VARS1: variants seen among roughly 807,000 people sequenced by gnomAD.
VARS1 encodes valine--tRNA ligase.
A neutral mutation model predicts 161.0 loss-of-function variants in VARS1; 92 were observed. The observed-to-expected ratio is 0.57, with a 90% CI of 0.48 to 0.68. The LOEUF (loss-of-function observed/expected upper bound fraction) is 0.68, where lower values mean the gene tolerates loss of function less well. Among genes scored for constraint, VARS1 ranks in the 30% least tolerant of loss-of-function variants. VARS1 has a pLI of 0.00. For missense variants in VARS1, 1,338 were observed against 1,695.9 expected (o/e 0.79, Z 3.71); for synonymous variants, 595 against 682.5 (o/e 0.87, Z 2.00).
Position 31,793,115 on chromosome 6 carries a change from C to A in VARS1, c.393G>T (p.Val131=), listed in dbSNP as rs1444725737. ...TCAGGGCCCTGCCCAGGGCCCCCAG[C>A]ACAGCCTGGCAGGAAGGGGAAGAAG... ...LRSSAQDPQA[V]LGALGRALSP... Residue 131 remains valine, a synonymous_variant, in exon 3 of 30, where the codon GTG becomes GTT. Coordinates refer to ENST00000375663, the MANE Select transcript of VARS1 (RefSeq NM_006295.3). The A allele has an allele frequency of 6.3e-7, 1 of 1,591,818 alleles. No individual in the cohort carries two copies. Among genetic ancestry groups the A allele is most frequent in the African/African-American group, 1.4e-5 (1 of 73,382 alleles).
Position 31,784,232 on chromosome 6 carries a change from G to T in VARS1, c.1653C>A (p.Pro551=). ...CCCCCACCTGGTATCTGGTATCTTT[G>T]GGGTGCACAGCTACAGCCACATCTC... ...MLGDVAVAVH[P]KDTRYQHLKG... is the part of the protein sequence containing the mutation. Residue 551 remains proline, a synonymous_variant, in exon 13 of 30, where the codon CCC becomes CCA. Transcript: ENST00000375663. The surrounding 1 kb of genome is among the most constrained non-coding windows in gnomAD (Gnocchi z 6.1). The T allele has an allele frequency of 6.2e-7, 1 of 1,614,122 alleles. No homozygotes were observed. Among genetic ancestry groups the T allele is most frequent in the Non-Finnish European group, 8.5e-7 (1 of 1,180,038 alleles).
In VARS1 at chr6:31,793,055, G is replaced by A. The variant is rs771567718; in HGVS notation, c.453C>T (p.Tyr151=). 1.2e-6 allele frequency: 2 copies of A among 1,613,032 alleles called. No homozygotes were observed. The highest frequency in any genetic ancestry group is 1.1e-5 in the South Asian group (1 of 91,084). The stretch of plus-strand genomic sequence containing the variant: ...CCAGAGTGGGGGCCTCCCCGGCCAA[G>A]TAGGTGTGCAGCCGAAGCCACTCCT... The part of the protein sequence containing the change: ...PLEEWLRLHT[Y]LAGEAPTLAD... Residue 151 remains tyrosine, a synonymous_variant, in exon 3 of 30, where the codon TAC becomes TAT. Transcript: ENST00000375663.
At position 31,782,248 on chromosome 6, in the gene VARS1, C is replaced by T. The variant is rs781039103; in HGVS notation, c.2150+37G>A. On this transcript the variant is annotated intron_variant, in intron 17 of 29. Coordinates refer to ENST00000375663, the MANE Select transcript of VARS1 (RefSeq NM_006295.3). This position sits in a 1 kb window ranked among gnomAD's most constrained non-coding sequence, Gnocchi z 8.3. ...TGGCCCGAGTGAGCCCTGCTCAGCC[C>T]TCGGCAAGCCCCTCCCACACTGAGG... The T allele has an allele frequency of 6.2e-7, 1 of 1,609,988 alleles. No homozygotes were observed. The highest frequency in any genetic ancestry group is 1.3e-5 in the African/African-American group (1 of 74,872).
chr6:31,794,045 C>T (rs1814081437), intron 2 of VARS1, among the ~76,000 whole-genome samples: 1 of 143,482 alleles, frequency 7.0e-6, no homozygotes, highest in South Asian at 2.2e-4. Context: ...GAGATCGCAC[C>T]ATCGCACCGT....
rs1210374902 is a variant in VARS1 at position 31,795,154 on chromosome 6, C to CGGCT, written c.60_63dup (p.Ala22SerfsTer28). 2 of 1,483,068 alleles carry CGGCT rather than the reference C, an allele frequency of 1.3e-6. No individual in the cohort carries two copies. Among genetic ancestry groups the CGGCT allele is most frequent in the African/African-American group, 2.8e-5 (2 of 71,194 alleles). The allele number at this position is 1,483,068 out of a possible 1,614,324, so 91.9% of individuals were successfully genotyped here. A position where few individuals can be genotyped will look rare whatever the true frequency, so the allele number is the denominator to read the frequency against. ...CCCTCCCCAGCCTCCCCATAGCGAG[C>CGGCT]GGCTATGAGGGCTCGGAGGCTGGGG... On this transcript the variant is annotated frameshift_variant, in exon 2 of 30. Coordinates refer to ENST00000375663, the MANE Select transcript of VARS1 (RefSeq NM_006295.3). LOFTEE classifies it high-confidence loss of function. The surrounding 1 kb of genome is among the most constrained non-coding windows in gnomAD (Gnocchi z 6.9).
intron 2 of VARS1, among the ~76,000 whole-genome samples, chr6:31,794,040 C>T (rs1319038283): frequency 1.4e-5 from 2 of 146,594 alleles, no homozygotes; most frequent in African/African-American, 5.1e-5. Context: ...GAGCTGAGAT[C>T]GCACCATCGC....
chr6:31,792,497 G>A lies in VARS1; in HGVS notation c.681C>T (p.Leu227=), dbSNP rs1813942758. ...TCTTGAGCTGAGCAGCTGTCTTTGG[G>A]AGGGCAGGAGCCTCGGGGCCTAGAG... ...SHQPGPEAPA[L]PKTAAQLKKE... The change falls in exon 5 of 30, where the codon CTC becomes CTT. Residue 227 remains leucine, a synonymous_variant. Transcript: ENST00000375663. The A allele has an allele frequency of 1.2e-6, 2 of 1,613,706 alleles. No homozygotes were observed. Among genetic ancestry groups the A allele is most frequent in the East Asian group, 4.5e-5 (2 of 44,832 alleles).
At chr6:31,790,715 G>T (rs994227745) in intron 8 of VARS1, among the ~76,000 whole-genome samples, 14 of 151,012 alleles carry the variant, frequency 9.3e-5, no homozygotes, top group Admixed American at 7.9e-4. Flanking sequence ...TGGTATGTGT[G>T]TAAGGACAAG....
Position 31,780,826 on chromosome 6 carries a change from C to T in VARS1, c.2719-43G>A. ...GGGGAGGAGCGTCCTCAGCCAGCCC[C>T]ATCCACGCTGTGCTCCTGCTTAGCC... On this transcript the variant is annotated intron_variant, in intron 23 of 29. Transcript: ENST00000375663. The surrounding 1 kb of genome is among the most constrained non-coding windows in gnomAD (Gnocchi z 5.1). 7 of 1,614,204 alleles carry T rather than the reference C, an allele frequency of 4.3e-6. No homozygotes were observed. The highest frequency in any genetic ancestry group is 5.9e-6 in the Non-Finnish European group (7 of 1,180,032).
rs1005352764 is a variant in VARS1, at chr6:31,785,450, G to A, written c.1265+119C>T. 1.6e-5 allele frequency: 24 copies of A among 1,526,172 alleles called. No homozygotes were observed. The highest frequency in any genetic ancestry group is 2.1e-5 in the Non-Finnish European group (24 of 1,127,446). 94.5% of individuals were successfully genotyped at this position (1,526,172 alleles called of 1,614,324 possible). A position where few individuals can be genotyped will look rare whatever the true frequency, so the allele number is the denominator to read the frequency against. On this transcript the variant is annotated intron_variant, in intron 9 of 29. Transcript: ENST00000375663. The surrounding 1 kb of genome is among the most constrained non-coding windows in gnomAD (Gnocchi z 6.1). ...ATTTACCTGGGCCCTAGAGCCAACT[G>A]ACTCTGCCTCTGTGGGAGGGTCTGA...
Position 31,795,284 on chromosome 6 carries a change from G to T in VARS1, c.-33-34C>A, listed in dbSNP as rs534308519. On this transcript the variant is annotated intron_variant, in intron 1 of 29. Transcript: ENST00000375663. This position sits in a 1 kb window ranked among gnomAD's most constrained non-coding sequence, Gnocchi z 6.9. ...AAAGAGAGACAGGGGAAGACTGCGG[G>T]ATCGAGGTGGGTCCTATGTTTGAGT... 2.2e-6 allele frequency: 3 copies of T among 1,341,548 alleles called. No individual in the cohort carries two copies. Among genetic ancestry groups the T allele is most frequent in the African/African-American group, 2.9e-5 (2 of 69,304 alleles). The allele number at this position is 1,341,548 out of a possible 1,614,324, so 83.1% of individuals were successfully genotyped here.
intron 2 of VARS1, among the ~76,000 whole-genome samples, chr6:31,793,735 G>A (rs1376862745): frequency 6.6e-6 from 1 of 152,050 alleles, no homozygotes; most frequent in Non-Finnish European, 1.5e-5. Context: ...TCTTGTAGGG[G>A]AACAACAAAT....
chr6:31,783,031 A>G, intron 14 of VARS1, 65 bp downstream of exon 14: 2 of 1,581,870 alleles, frequency 1.3e-6, no homozygotes, highest in Non-Finnish European at 1.7e-6. Context: ...TCTCTGAGAG[A>G]AGATGGACAG....
chr6:31,782,931 C>T lies in VARS1; in HGVS notation c.1763-86G>A. On this transcript the variant is annotated intron_variant, in intron 14 of 29. Transcript: ENST00000375663. The surrounding 1 kb of genome is among the most constrained non-coding windows in gnomAD (Gnocchi z 8.3). ...ACCTCTTTTGCTGAAGGATGTAGCTCCGAGACCACTCCTGGCCCCCACTTG... is the reference window on the plus strand; with the variant it reads ...ACCTCTTTTGCTGAAGGATGTAGCTTCGAGACCACTCCTGGCCCCCACTTG... 1 of 1,548,612 alleles carries T rather than the reference C, an allele frequency of 6.5e-7. No individual in the cohort carries two copies.
rs1812930169 is a variant in VARS1 at position 31,779,039 on chromosome 6, C to T, written c.3654G>A (p.Leu1218=). Residue 1218 remains leucine, a synonymous_variant, in exon 29 of 30, where the codon CTG becomes CTA. Transcript: ENST00000375663. The surrounding 1 kb of genome is among the most constrained non-coding windows in gnomAD (Gnocchi z 9.1). The part of the protein sequence containing the change: ...RVEAQRQAQR[L]RERRAASGYP... ...AGCCCGAGGCAGCACGGCGTTCCCG[C>T]AGACGCTGGGCCTGCCGCTGGGCCT... 1 of 1,612,892 alleles carries T rather than the reference C, an allele frequency of 6.2e-7. No individual in the cohort carries two copies. The highest frequency in any genetic ancestry group is 8.5e-7 in the Non-Finnish European group (1 of 1,180,016).
Position 31,780,691 on chromosome 6 carries a change from T to G in VARS1, c.2797+14A>C. On this transcript the variant is annotated intron_variant, in intron 24 of 29. Transcript: ENST00000375663. The surrounding 1 kb of genome is among the most constrained non-coding windows in gnomAD (Gnocchi z 5.1). ...AGGAAGGAGTGGCTGGGAGGGACGC[T>G]TTGGGGGCCATACCCTGGGACATGT... The G allele has an allele frequency of 6.2e-7, 1 of 1,614,060 alleles. No individual in the cohort carries two copies. Among genetic ancestry groups the G allele is most frequent in the Non-Finnish European group, 8.5e-7 (1 of 1,179,996 alleles).
chr6:31,777,656 GT>G lies in VARS1; in HGVS notation c.3732del (p.Gln1244HisfsTer?). ...EVQEADEAKL[Q>X]QTEAELRKVD... ...ACCTTCCTGAGCTCTGCTTCTGTCTGTTGGAGCTGGAGTGGAACCAGGGGGT... is the reference window on the plus strand; with the variant it reads ...ACCTTCCTGAGCTCTGCTTCTGTCTGTGGAGCTGGAGTGGAACCAGGGGGT... On this transcript the variant is annotated frameshift_variant, in exon 30 of 30. Coordinates refer to ENST00000375663, the MANE Select transcript of VARS1 (RefSeq NM_006295.3). LOFTEE classifies it high-confidence loss of function. The surrounding 1 kb of genome is among the most constrained non-coding windows in gnomAD (Gnocchi z 5.8). 1 of 1,613,620 alleles carries G rather than the reference GT, an allele frequency of 6.2e-7. No homozygotes were observed. The highest frequency in any genetic ancestry group is 1.1e-5 in the South Asian group (1 of 90,906).
intron 8 of VARS1, among the ~76,000 whole-genome samples, chr6:31,787,648 T>TA (rs1039108648): frequency 1.6e-4 from 22 of 134,346 alleles, no homozygotes; most frequent in South Asian, 2.3e-4. Context: ...CTGTCTCAAT[T>TA]AAAAAAAAAA....
In VARS1 at chr6:31,783,078, G is replaced by A. The variant is rs192923321; in HGVS notation, c.1762+18C>T. The A allele has an allele frequency of 5.2e-5, 83 of 1,611,352 alleles. No homozygotes were observed. Among genetic ancestry groups the A allele is most frequent in the South Asian group, 1.9e-4 (17 of 90,722 alleles). On this transcript the variant is annotated intron_variant, in intron 14 of 29. Transcript: ENST00000375663. ...CTCCAGTCTTTTCCTCTCCCCACAG[G>A]ACCAGCCCCTTGCCCACCTGTGCCA...
Sources: allele counts gnomAD v4.1 joint callset (sites outside exome capture counted in the v4.1 genomes callset), GRCh38; gene constraint gnomAD v4.1.1; non-coding constraint Gnocchi (gnomAD v3.1); transcripts MANE v1.5; gene names NCBI Gene and HGNC (gene_info 2026-07-23, HGNC 2026-07-21).